PSD3: variants seen among roughly 807,000 people sequenced by gnomAD.
The protein encoded by PSD3 is PH and SEC7 domain-containing protein 3.
In PSD3, 49 loss-of-function variants were observed where a neutral mutation model predicts 105.5. That is an observed-to-expected ratio of 0.46 (90% CI 0.37 to 0.59). PSD3 has a LOEUF of 0.59. PSD3 is among the 20% of genes least tolerant of loss of function. The probability of loss-of-function intolerance (pLI) is 0.00; values close to 1 mark genes in which losing one functional copy is unlikely to be tolerated. For synonymous variants in PSD3, 557 were observed against 457.8 expected, an observed-to-expected ratio of 1.22 and a Z score of -2.77; for missense variants, 1,561 against 1,263.8, an observed-to-expected ratio of 1.24 and a Z score of -3.57.
At chr8:18,688,143 A>AGC (rs1800767121) in intron 9 of PSD3, among the ~76,000 whole-genome samples, 1 of 152,062 alleles carries the variant, frequency 6.6e-6, no homozygotes, top group Non-Finnish European at 1.5e-5. Context: ...CAGTGATGCC[A>AGC]TAATAGCTCA....
At position 18,534,879 on chromosome 8, in the gene PSD3, T is replaced by C. The variant is rs1799772811; in HGVS notation, c.*864A>G. On this transcript the variant is annotated 3_prime_UTR_variant, in exon 16 of 16. Coordinates refer to ENST00000327040, the MANE Select transcript of PSD3 (RefSeq NM_015310.4). ...TTCCTGGATGGAAGGATATCAACGATAGAGATGATGGATTTCTAGTCTAGA... is the reference window on the plus strand; with the variant it reads ...TTCCTGGATGGAAGGATATCAACGACAGAGATGATGGATTTCTAGTCTAGA... 6.6e-6 allele frequency: 1 copy of C among 152,512 alleles called. No individual in the cohort carries two copies. Among genetic ancestry groups the C allele is most frequent in the Non-Finnish European group, 1.5e-5 (1 of 68,030 alleles). The allele number at this position is 152,512 out of a possible 1,614,324, so 9.4% of individuals were successfully genotyped here.
Position 18,572,719 on chromosome 8 carries a change from T to C in PSD3, c.2640-47A>G, listed in dbSNP as rs200878853. On this transcript the variant is annotated intron_variant, in intron 13 of 15. Transcript: ENST00000327040. ...ATATCAGGATATTGCCATGTCTAAG[T>C]AGCATCACACTTTGCCTATTTCACG... is the stretch of plus-strand genomic sequence containing the variant. The C allele has an allele frequency of 4.4e-6, 7 of 1,587,606 alleles. No homozygotes were observed. The Admixed American group carries it at 5.1e-5, about 12-fold the overall frequency.
intron 4 of PSD3, among the ~76,000 whole-genome samples, chr8:18,858,602 G>A (rs1379893712): frequency 6.6e-6 from 1 of 151,862 alleles, no homozygotes. Context: ...CCTTGCCACT[G>A]CTTTATTAAG....
At chr8:18,986,823 T>C (rs1563487958) in intron 1 of PSD3, among the ~76,000 whole-genome samples, 1 of 152,124 alleles carries the variant, frequency 6.6e-6, no homozygotes, top group Non-Finnish European at 1.5e-5. Context: ...AGTGGGCAGA[T>C]AAGGAACTTC....
chr8:18,843,310 G>C (rs577331420), intron 4 of PSD3, among the ~76,000 whole-genome samples: 1 of 145,522 alleles, frequency 6.9e-6, no homozygotes, highest in African/African-American at 2.5e-5. Flanking sequence ...GCAGTGAGCC[G>C]AGATCGCACG....
At chr8:19,006,121 C>T (rs559194080) in intron 1 of PSD3, among the ~76,000 whole-genome samples, 11 of 151,206 alleles carry the variant, frequency 7.3e-5, no homozygotes, top group Non-Finnish European at 1.2e-4. Context: ...TGGTGAAACC[C>T]GTCTCTATTA....
At chr8:18,836,243 C>T (rs558050771) in intron 4 of PSD3, among the ~76,000 whole-genome samples, 1 of 152,218 alleles carries the variant, frequency 6.6e-6, no homozygotes, top group East Asian at 1.9e-4. Context: ...TTCAAATACA[C>T]ATAAAATAAA....
At chr8:18,766,638 T>C (rs920866056) in intron 8 of PSD3, among the ~76,000 whole-genome samples, 1 of 152,242 alleles carries the variant, frequency 6.6e-6, no homozygotes, top group Non-Finnish European at 1.5e-5. Flanking sequence ...AGATTTACAC[T>C]ACTTTCAAAC....
At chr8:18,915,529 CAAAT>C (rs1017272570) in intron 2 of PSD3, among the ~76,000 whole-genome samples, 3 of 152,040 alleles carry the variant, frequency 2.0e-5, no homozygotes, top group African/African-American at 7.2e-5. Flanking sequence ...AGCAAGAAAA[CAAAT>C]AACCCAATTT....
chr8:19,068,839 C>T (rs928627339), intron 1 of PSD3, among the ~76,000 whole-genome samples: 2 of 151,692 alleles, frequency 1.3e-5, no homozygotes, highest in Non-Finnish European at 2.9e-5. Context: ...TGCAGTTGGG[C>T]TGGCTCTGAC....
At chr8:19,052,480 A>AAAAAG (rs1275928528) in intron 1 of PSD3, among the ~76,000 whole-genome samples, 177 of 151,972 alleles carry the variant, frequency 1.2e-3, no homozygotes, top group African/African-American at 3.9e-3. Context: ...CAAAAAAAAA[A>AAAAAG]AAAAAGAAAA....
intron 9 of PSD3, among the ~76,000 whole-genome samples, chr8:18,701,217 G>A (rs1801563993): frequency 6.7e-6 from 1 of 149,776 alleles, no homozygotes; most frequent in Non-Finnish European, 1.5e-5. Context: ...TGATCTTCCT[G>A]CCTTAACTTC....
chr8:18,591,211 AG>A (rs1803580267), intron 12 of PSD3, among the ~76,000 whole-genome samples: 1 of 152,258 alleles, frequency 6.6e-6, no homozygotes, highest in East Asian at 1.9e-4. Context: ...CCCTGAAGCT[AG>A]CATGCCTCAG....
At chr8:18,783,583 G>A (rs1054320702) in intron 8 of PSD3, among the ~76,000 whole-genome samples, 1 of 152,080 alleles carries the variant, frequency 6.6e-6, no homozygotes, top group African/African-American at 2.4e-5. Context: ...TTTGCAATTT[G>A]GCAATTCATC....
chr8:18,944,438 G>A (rs913359946), intron 1 of PSD3, among the ~76,000 whole-genome samples: 4 of 152,206 alleles, frequency 2.6e-5, no homozygotes, highest in Admixed American at 1.3e-4. Flanking sequence ...AGGTGTTGTG[G>A]TGCATGCCTG....
Position 18,901,063 on chromosome 8 carries a change from A to G in PSD3, c.131-28330T>C, listed in dbSNP as rs150825909. ...TACAGTCTGGTGTATATAAGTTTTG[A>G]TAAACTTTAACTTTTTAAAGTAGAT... On this transcript the variant is annotated intron_variant, in intron 2 of 15. Transcript: ENST00000327040. Among the ~76,000 whole-genome samples the G allele has an allele frequency of 3.2e-3, 489 of 152,280 alleles. 4 individuals carry two copies. The highest frequency in any genetic ancestry group is 0.012 in the African/African-American group (480 of 41,560).
intron 1 of PSD3, among the ~76,000 whole-genome samples, chr8:19,050,577 A>C (rs1418333105): frequency 6.6e-6 from 1 of 152,194 alleles, no homozygotes; most frequent in Non-Finnish European, 1.5e-5. Flanking sequence ...TCAGTAAACT[A>C]TCGCAAGAAC....
chr8:18,592,593 G>A (rs1464257890), intron 12 of PSD3, among the ~76,000 whole-genome samples: 3 of 152,140 alleles, frequency 2.0e-5, no homozygotes, highest in Non-Finnish European at 2.9e-5. Flanking sequence ...AGAGGACTTT[G>A]AAAGTAGCAA....
chr8:18,725,233 T>C (rs975040548), intron 9 of PSD3, among the ~76,000 whole-genome samples: 1 of 152,184 alleles, frequency 6.6e-6, no homozygotes, highest in Non-Finnish European at 1.5e-5. Context: ...AACTCTTTTA[T>C]TTTTTAGGAA....
Sources: gnomAD v4.1 joint callset for allele counts (sites outside exome capture counted in the v4.1 genomes callset) on GRCh38, gnomAD v4.1.1 for gene constraint, MANE v1.5 for transcripts, NCBI Gene and HGNC (gene_info 2026-07-23, HGNC 2026-07-21) for gene names.